The following SCAF11 variants were observed in gnomAD, a reference collection of about 807,000 sequenced individuals.
The protein encoded by SCAF11 is protein SCAF11.
SCAF11 carries 47 observed loss-of-function variants against 140.5 expected under a neutral mutation model. The ratio of observed to expected loss-of-function variants is 0.33; its 90% CI spans 0.26 to 0.43. The LOEUF is 0.43. Ranked by LOEUF, SCAF11 falls within the 20% of genes least tolerant of loss-of-function variation. The pLI, the probability that SCAF11 is intolerant of heterozygous loss-of-function variation, is 1.00. For missense variants in SCAF11, 1,645 were observed against 1,705.1 expected, an observed-to-expected ratio of 0.96 and a Z score of 0.62; for synonymous variants, 557 against 579.4, an observed-to-expected ratio of 0.96 and a Z score of 0.55.
chr12:45,933,381 T>A (rs1186599519), intron 8 of SCAF11, 149 bp from the exon 9 acceptor site: 1 of 494,464 alleles, frequency 2.0e-6, no homozygotes, highest in East Asian at 3.0e-5. Flanking sequence ...TTTAAACACT[T>A]TCAAAATAAA....
intron 5 of SCAF11, among the ~76,000 whole-genome samples, chr12:45,946,295 A>C (rs1326228558): frequency 6.6e-6 from 1 of 152,216 alleles, no homozygotes; most frequent in Non-Finnish European, 1.5e-5. Flanking sequence ...AATTGAATGA[A>C]GTTTGTCTGT....
upstream of SCAF11, chr12:45,991,840 T>G (rs1244521499): frequency 3.2e-6 from 4 of 1,241,730 alleles, no homozygotes; most frequent in Non-Finnish European, 4.2e-6. Flanking sequence ...TTGTCCTGCT[T>G]GCGGCTCCCG....
chr12:45,974,667 C>CT, intron 1 of SCAF11: 1 of 169,780 alleles, frequency 5.9e-6, no homozygotes, highest in East Asian at 1.6e-4. Context: ...TATAATAGTT[C>CT]TCCTGCTGTT....
At chr12:45,956,026 C>A (rs926646315) in intron 3 of SCAF11, 1 of 690,666 alleles carries the variant, frequency 1.4e-6, no homozygotes, top group Non-Finnish European at 2.6e-6. Flanking sequence ...GTAAAACACA[C>A]CCTACTATTC....
At chr12:45,937,566 G>C (rs1048239769) in intron 6 of SCAF11, among the ~76,000 whole-genome samples, 6 of 142,028 alleles carry the variant, frequency 4.2e-5, no homozygotes, top group African/African-American at 1.3e-4. Context: ...TTCAGCTAAT[G>C]TGTTTCACTG....
intron 1 of SCAF11, among the ~76,000 whole-genome samples, chr12:45,985,185 A>G (rs1565696740): frequency 6.6e-6 from 1 of 152,258 alleles, no homozygotes; most frequent in East Asian, 1.9e-4. Flanking sequence ...AATTTCTCCA[A>G]TTTCAGTCCG....
rs1164442309 is a variant in SCAF11 at position 45,928,548 on chromosome 12, A to G, written c.1153T>C (p.Leu385=). Residue 385 remains leucine, a synonymous_variant, in exon 11 of 15, where the codon TTA becomes CTA. Coordinates refer to ENST00000369367, the MANE Select transcript of SCAF11 (RefSeq NM_004719.3). ...KSVRRGRKPP[L]LKKKLRSSVA... is the part of the protein sequence containing the mutation. ...GAGCTCCGAAGTTTCTTTTTCAGTA[A>G]AGGTGGTTTTCTTCCTCTTCTTACA... 1 of 1,614,098 alleles carries G rather than the reference A, an allele frequency of 6.2e-7. No homozygotes were observed. Among genetic ancestry groups the G allele is most frequent in the South Asian group, 1.1e-5 (1 of 91,074 alleles).
intron 5 of SCAF11, among the ~76,000 whole-genome samples, chr12:45,946,446 T>C (rs964805060): frequency 1.3e-5 from 2 of 152,252 alleles, no homozygotes; most frequent in African/African-American, 2.4e-5. Flanking sequence ...AGTTAAGCTA[T>C]GCCTTGGTGG....
At chr12:45,960,425 T>C (rs182863847) in intron 3 of SCAF11, 494 of 152,176 alleles carry the variant, frequency 3.2e-3, no homozygotes, top group African/African-American at 0.011. Context: ...TCTAAAAAAA[T>C]TTAACCACAA....
intron 6 of SCAF11, among the ~76,000 whole-genome samples, chr12:45,941,438 A>T (rs1056657974): frequency 6.6e-6 from 1 of 152,182 alleles, no homozygotes; most frequent in Admixed American, 6.5e-5. Flanking sequence ...CAAGATCTAA[A>T]TTTCAAGTGT....
chr12:45,973,091 C>G (rs1424900878), intron 1 of SCAF11, among the ~76,000 whole-genome samples: 1 of 146,880 alleles, frequency 6.8e-6, no homozygotes, highest in Non-Finnish European at 1.5e-5. Flanking sequence ...AAATGGAAAG[C>G]CAAAAGATCA....
upstream of SCAF11, chr12:45,990,756 G>T (rs372963080): frequency 4.6e-6 from 1 of 216,434 alleles, no homozygotes; most frequent in African/African-American, 2.3e-5. Context: ...TTGGGCCGCA[G>T]GGGGGCGCTG....
chr12:45,922,919 C>T lies in SCAF11; in HGVS notation c.4125+17G>A. The T allele has an allele frequency of 1.2e-6, 2 of 1,604,462 alleles. No homozygotes were observed. The highest frequency in any genetic ancestry group is 1.7e-6 in the Non-Finnish European group (2 of 1,171,238). On this transcript the variant is annotated intron_variant, in intron 13 of 14. Transcript: ENST00000369367. ...CATATACAGAATTATGAAGGTTGCT[C>T]TCAACCTTGAACTTGCCTTGTCTGT...
chr12:45,933,046 A>T, intron 9 of SCAF11, 85 bp downstream of exon 9: 1 of 862,576 alleles, frequency 1.2e-6, no homozygotes, highest in South Asian at 1.8e-5. Flanking sequence ...TAACAATTGA[A>T]TAAGGTACCC....
chr12:45,954,874 C>T (rs1945646478), intron 3 of SCAF11: 1 of 151,340 alleles, frequency 6.6e-6, no homozygotes, highest in Non-Finnish European at 1.5e-5. Context: ...GAGGAGCCAT[C>T]ACACCTGCTC....
intron 11 of SCAF11, 150 bp downstream of exon 11, chr12:45,925,991 AT>A (rs533507417): frequency 8.1e-5 from 58 of 712,446 alleles, no homozygotes; most frequent in Admixed American, 6.5e-5. Context: ...GTGTATATAT[AT>A]TTATATAATG....
intron 4 of SCAF11, among the ~76,000 whole-genome samples, chr12:45,950,938 A>G (rs1302141616): frequency 6.6e-6 from 1 of 151,974 alleles, no homozygotes; most frequent in Non-Finnish European, 1.5e-5. Context: ...ATTTTTAGCT[A>G]TTTTTCATTC....
At chr12:45,964,802 A>T (rs1248098351) in intron 1 of SCAF11, among the ~76,000 whole-genome samples, 1 of 152,240 alleles carries the variant, frequency 6.6e-6, no homozygotes, top group Non-Finnish European at 1.5e-5. Context: ...GTTTTCAGAG[A>T]ATGTGATAGG....
intron 1 of SCAF11, among the ~76,000 whole-genome samples, chr12:45,968,083 C>T (rs528300713): frequency 6.6e-6 from 1 of 152,258 alleles, no homozygotes; most frequent in African/African-American, 2.4e-5. Context: ...AGATATATCT[C>T]AATTTTGTGT....
Sources: allele counts gnomAD v4.1 joint callset (sites outside exome capture counted in the v4.1 genomes callset), GRCh38; gene constraint gnomAD v4.1.1; transcripts MANE v1.5; gene names NCBI Gene and HGNC (gene_info 2026-07-23, HGNC 2026-07-21).